The following GIN1 variants were observed in gnomAD, a reference collection of about 807,000 sequenced individuals.
GIN1 encodes gypsy retrotransposon integrase-like protein 1.
Under a neutral mutation model 51.4 loss-of-function variants are expected in GIN1, and 41 were observed. That is an observed-to-expected ratio of 0.80 (90% CI 0.62 to 1.04). The LOEUF (loss-of-function observed/expected upper bound fraction) is 1.04. Ranked by LOEUF, GIN1 falls within the 50% of genes least tolerant of loss-of-function variation. GIN1 has a pLI of 0.00. For missense variants in GIN1, 610 were observed against 612.4 expected (o/e 1.00, Z 0.04); for synonymous variants, 222 against 206.5 (o/e 1.07, Z -0.64).
intron 7 of GIN1, among the ~76,000 whole-genome samples, chr5:103,092,922 G>A (rs1477002245): frequency 8.2e-6 from 1 of 122,352 alleles, no homozygotes; most frequent in Non-Finnish European, 1.6e-5. Context: ...CTCCAGCACG[G>A]GCAACCATGT....
chr5:103,106,892 C>T lies in GIN1; in HGVS notation c.157G>A (p.Val53Ile), dbSNP rs1554196364. 3 of 1,563,382 alleles carry T rather than the reference C, an allele frequency of 1.9e-6. 1 individual carries two copies. The highest frequency in any genetic ancestry group is 1.2e-5 in the South Asian group (1 of 83,794). Residue 53 changes from valine to isoleucine, a missense_variant, in exon 3 of 8, where the codon GTT (valine) becomes ATT (isoleucine). By Grantham distance (29) the Val-to-Ile change is conservative (BLOSUM62 3). Transcript: ENST00000399004. ...FVFKEKKLFY[V>I]GKDRKQNRLV... ...CGATTTTGTTTTCTGTCTTTTCCAACATAAAACAGCTTTTTTTCTGGAATA... is the reference window on the plus strand; with the variant it reads ...CGATTTTGTTTTCTGTCTTTTCCAATATAAAACAGCTTTTTTTCTGGAATA...
In GIN1 at chr5:103,086,108, C is replaced by T. The variant is rs1323268114; in HGVS notation, c.*1790G>A. 6.6e-6 allele frequency: 1 copy of T among 152,162 alleles called. No individual in the cohort carries two copies. The highest frequency in any genetic ancestry group is 6.5e-5 in the Admixed American group (1 of 15,276). The allele number at this position is 152,162 out of a possible 1,614,324, so 9.4% of individuals were successfully genotyped here. On this transcript the variant is annotated 3_prime_UTR_variant, in exon 8 of 8. Coordinates refer to ENST00000399004, the MANE Select transcript of GIN1 (RefSeq NM_017676.2). ...GGAATGAGGAAAAATGTATTCAATG[C>T]CTCTCCCCTAACTTCTGGTAGTTTT...
chr5:103,110,070 C>T (rs952914869), intron 1 of GIN1, among the ~76,000 whole-genome samples: 1 of 152,014 alleles, frequency 6.6e-6, no homozygotes, highest in African/African-American at 2.4e-5. Flanking sequence ...TACCTCACAT[C>T]TTACACAAAA....
rs1554196134 is a variant in GIN1 at position 103,104,850 on chromosome 5, C to T, written c.334-4G>A. On this transcript the variant is annotated splice_region_variant and splice_polypyrimidine_tract_variant and intron_variant, in intron 3 of 7. Transcript: ENST00000399004. ...GGCAATGCTGACAAGCATATACCTA[C>T]AACAGGCACACAATAAAGAAAACAC... The T allele has an allele frequency of 1.3e-6, 2 of 1,545,596 alleles. No individual in the cohort carries two copies. The highest frequency in any genetic ancestry group is 1.8e-6 in the Non-Finnish European group (2 of 1,134,418).
intron 7 of GIN1, among the ~76,000 whole-genome samples, chr5:103,091,693 TGG>T (rs1168760298): frequency 6.6e-6 from 1 of 151,978 alleles, no homozygotes; most frequent in African/African-American, 2.4e-5. Context: ...TTTAAAGAGA[TGG>T]GGTCTCAGCC....
intron 7 of GIN1, among the ~76,000 whole-genome samples, chr5:103,094,577 ACTTCTTTTCTG>A (rs879950493): frequency 1.3e-5 from 2 of 152,194 alleles, no homozygotes; most frequent in East Asian, 3.8e-4. Context: ...ACAATATTTG[ACTTCTTTTCTG>A]AGAAACTCTT....
chr5:103,103,704 T>C (rs1554195978), intron 4 of GIN1, among the ~76,000 whole-genome samples: 1 of 152,226 alleles, frequency 6.6e-6, no homozygotes. Context: ...AAAGTACCTT[T>C]CAATACTGAC....
chr5:103,116,060 C>T (rs933175854), intron 1 of GIN1, among the ~76,000 whole-genome samples: 2 of 152,130 alleles, frequency 1.3e-5, no homozygotes, highest in African/African-American at 4.8e-5. Context: ...TGCCAATTTT[C>T]TCCAAATTGA....
chr5:103,107,140 T>A (rs1183655045), intron 2 of GIN1, among the ~76,000 whole-genome samples: 1 of 152,018 alleles, frequency 6.6e-6, no homozygotes, highest in African/African-American at 2.4e-5. Context: ...TCTGTAGCTA[T>A]CAATATAAGT....
chr5:103,115,500 G>A (rs1788008115), intron 1 of GIN1, among the ~76,000 whole-genome samples: 1 of 152,036 alleles, frequency 6.6e-6, no homozygotes, highest in African/African-American at 2.4e-5. Context: ...GAATAATGAT[G>A]GTTGCATAGA....
intron 7 of GIN1, among the ~76,000 whole-genome samples, chr5:103,093,137 A>G (rs1351301296): frequency 6.6e-6 from 1 of 152,152 alleles, no homozygotes; most frequent in Non-Finnish European, 1.5e-5. Context: ...ATAGGCCCCT[A>G]AAGATGTCAA....
chr5:103,089,453 T>C (rs1365513843), intron 7 of GIN1, among the ~76,000 whole-genome samples: 3 of 152,096 alleles, frequency 2.0e-5, no homozygotes, highest in East Asian at 1.9e-4. Context: ...CATTCATTCA[T>C]TCATTCATTC....
At chr5:103,114,533 G>T (rs1787973467) in intron 1 of GIN1, among the ~76,000 whole-genome samples, 1 of 152,184 alleles carries the variant, frequency 6.6e-6, no homozygotes. Context: ...AGTAGGTGAA[G>T]TTAAGGCAAT....
Position 103,087,973 on chromosome 5 carries a change from G to T in GIN1, c.1494C>A (p.Asp498Glu), listed in dbSNP as rs776922680. 6.3e-7 allele frequency: 1 copy of T among 1,592,732 alleles called. No homozygotes were observed. The highest frequency in any genetic ancestry group is 2.2e-5 in the East Asian group (1 of 44,606). The change falls in exon 8 of 8, where the codon GAC becomes GAA. Residue 498 changes from aspartate (D) to glutamate (E), a missense_variant. By Grantham distance (45) the Asp-to-Glu change is conservative. Coordinates refer to ENST00000399004, the MANE Select transcript of GIN1 (RefSeq NM_017676.2). ...TCTGCTTTTCAAGAGAACTATGATC[G>T]TCTATCAATGGAGAGATTTTCGTAT... Reference protein sequence around the residue: ...YRNTKISPLIDDHSSLEKQTF... With the variant: ...YRNTKISPLIEDHSSLEKQTF...
intron 7 of GIN1, among the ~76,000 whole-genome samples, chr5:103,092,945 CAAAAAAAAAAAA>C (rs5870040): frequency 1.3e-4 from 8 of 60,476 alleles, no homozygotes; most frequent in South Asian, 1.1e-3. Context: ...GAACCTGTCT[CAAAAAAAAAAAA>C]AAAAAAAAAA....
At chr5:103,117,386 A>T (rs111874010) in intron 1 of GIN1, among the ~76,000 whole-genome samples, 12 of 152,066 alleles carry the variant, frequency 7.9e-5, no homozygotes, top group South Asian at 2.1e-4. Context: ...TTTAAAAACA[A>T]TGCCAACGCA....
intron 1 of GIN1, among the ~76,000 whole-genome samples, chr5:103,113,311 A>C (rs1583134951): frequency 6.6e-6 from 1 of 152,272 alleles, no homozygotes; most frequent in Non-Finnish European, 1.5e-5. Context: ...TCTTTCTCAC[A>C]GTTCTGGAGG....
chr5:103,089,569 A>G (rs1186223526), intron 7 of GIN1, among the ~76,000 whole-genome samples: 1 of 151,922 alleles, frequency 6.6e-6, no homozygotes, highest in Non-Finnish European at 1.5e-5. Context: ...TGATCCTCCC[A>G]CCTCAGCCTC....
chr5:103,114,209 A>G lies in GIN1; in HGVS notation c.-7-5495T>C, dbSNP rs185928792. On this transcript the variant is annotated intron_variant, in intron 1 of 7. Transcript: ENST00000399004. ...AAAATTTTAAGAATGAGTTGGAGTTACAAGATTAGATTTCTATTCTATAAA... is the reference window on the plus strand; with the variant it reads ...AAAATTTTAAGAATGAGTTGGAGTTGCAAGATTAGATTTCTATTCTATAAA... Among the ~76,000 whole-genome samples, 70 of 152,334 alleles carry G rather than the reference A, an allele frequency of 4.6e-4. 1 individual carries two copies. Among genetic ancestry groups the G allele is most frequent in the Non-Finnish European group, 8.4e-4 (57 of 68,032 alleles).
Sources: gnomAD v4.1 joint callset for allele counts (sites outside exome capture counted in the v4.1 genomes callset) on GRCh38, gnomAD v4.1.1 for gene constraint, MANE v1.5 for transcripts, NCBI Gene and HGNC (gene_info 2026-07-23, HGNC 2026-07-21) for gene names.